ABHD2: variants seen among roughly 807,000 people sequenced by gnomAD.
ABHD2 encodes monoacylglycerol lipase ABHD2.
Under a neutral mutation model 48.1 loss-of-function variants are expected in ABHD2, and 20 were observed. That is an observed-to-expected ratio of 0.42 (90% CI 0.29 to 0.60). The LOEUF (loss-of-function observed/expected upper bound fraction) is 0.60. Among genes scored for constraint, ABHD2 ranks in the 20% least tolerant of loss-of-function variants. The pLI is 0.24. For missense variants in ABHD2, 405 were observed against 550.9 expected, an observed-to-expected ratio of 0.74 and a Z score of 2.65; for synonymous variants, 209 against 214.2, an observed-to-expected ratio of 0.98 and a Z score of 0.21.
In ABHD2 at chr15:89,151,090, C is replaced by T. The variant is rs1356518884; in HGVS notation, c.195-587C>T. On this transcript the variant is annotated intron_variant, in intron 3 of 10. Transcript: ENST00000352732. This position sits in a 1 kb window ranked among gnomAD's most constrained non-coding sequence, Gnocchi z 4.7. ...CCTTAATCAATCCAACAAATATTTA[C>T]ACTGCACTGCCCTTACAGCATATTC... Among the ~76,000 whole-genome samples the T allele has an allele frequency of 1.3e-5, 2 of 152,244 alleles. No individual in the cohort carries two copies. The highest frequency in any genetic ancestry group is 1.3e-4 in the Admixed American group (2 of 15,282).
chr15:89,144,803 T>C (rs115074466), intron 3 of ABHD2, among the ~76,000 whole-genome samples: 8,535 of 152,290 alleles, frequency 0.056, 853 homozygotes, highest in African/African-American at 0.19. Context: ...TATTAAATGC[T>C]ACTGAATTGT....
chr15:89,057,006 C>T, the ABHD2 span, among the ~76,000 whole-genome samples: 1 of 150,698 alleles, frequency 6.6e-6, no homozygotes, highest in Admixed American at 6.6e-5. Context: ...CTCCGCCTCC[C>T]GGGTTCAAGC....
intron 3 of ABHD2, among the ~76,000 whole-genome samples, chr15:89,143,669 G>A (rs578204800): frequency 8.4e-5 from 12 of 143,164 alleles, no homozygotes; most frequent in African/African-American, 2.9e-4. Flanking sequence ...GGCAATAAGA[G>A]CAAAACTCCA....
At chr15:89,049,514 C>T in the ABHD2 span, among the ~76,000 whole-genome samples, 2 of 152,246 alleles carry the variant, frequency 1.3e-5, no homozygotes, top group Non-Finnish European at 2.9e-5. Flanking sequence ...AGTTTGATCT[C>T]AGACTGCTGT....
chr15:89,057,419 G>A, the ABHD2 span, among the ~76,000 whole-genome samples: 2 of 152,128 alleles, frequency 1.3e-5, no homozygotes, highest in Non-Finnish European at 2.9e-5. Flanking sequence ...GTAGGGCAGG[G>A]GTTACACAGT....
chr15:89,128,293 G>T (rs1005198216), intron 3 of ABHD2, among the ~76,000 whole-genome samples: 10 of 152,254 alleles, frequency 6.6e-5, no homozygotes, highest in African/African-American at 2.2e-4. Flanking sequence ...AGATGTTGGT[G>T]TGAGCATGAA....
chr15:89,135,137 C>CTT (rs539846835), intron 3 of ABHD2, among the ~76,000 whole-genome samples: 1 of 19,112 alleles, frequency 5.2e-5, no homozygotes, highest in African/African-American at 1.9e-4. Flanking sequence ...ATGGCTACAA[C>CTT]TTTTTCTTTT....
chr15:89,161,928 C>G (rs1368707696), intron 5 of ABHD2, among the ~76,000 whole-genome samples: 1 of 152,182 alleles, frequency 6.6e-6, no homozygotes, highest in African/African-American at 2.4e-5. Flanking sequence ...TTGGTTTCTT[C>G]TGAGACCTCT....
the ABHD2 span, among the ~76,000 whole-genome samples, chr15:89,059,329 C>G: frequency 1.3e-5 from 2 of 152,218 alleles, no homozygotes; most frequent in Admixed American, 6.5e-5. Flanking sequence ...TGGCATGGTT[C>G]TGACCACCTA....
In ABHD2 at chr15:89,137,301, G is replaced by A. The variant is rs996827823; in HGVS notation, c.195-14376G>A. Among the ~76,000 whole-genome samples, 6 of 152,266 alleles carry A rather than the reference G, an allele frequency of 3.9e-5. No individual in the cohort carries two copies. The highest frequency in any genetic ancestry group is 3.4e-3 in the Middle Eastern group (1 of 294). Reference sequence around the variant, plus strand: ...TGCTGTTTGTGAACAGGAAGATAGTGGGATCAGATGCATTTAACATGTGGA... The same window carrying A: ...TGCTGTTTGTGAACAGGAAGATAGTAGGATCAGATGCATTTAACATGTGGA... On this transcript the variant is annotated intron_variant, in intron 3 of 10. Transcript: ENST00000352732. This position sits in a 1 kb window ranked among gnomAD's most constrained non-coding sequence, Gnocchi z 4.8.
the ABHD2 span, among the ~76,000 whole-genome samples, chr15:89,072,743 T>C: frequency 1.3e-5 from 2 of 152,200 alleles, no homozygotes; most frequent in African/African-American, 4.8e-5. Context: ...CCATTTCTTA[T>C]TGATGTCTGA....
chr15:89,122,700 C>T lies in ABHD2; in HGVS notation c.194+6179C>T, dbSNP rs79281043. 5.2e-3 allele frequency among the ~76,000 whole-genome samples: 793 copies of T among 152,318 alleles called. 5 individuals are homozygous for T. The highest frequency in any genetic ancestry group is 0.018 in the African/African-American group (745 of 41,558). The stretch of plus-strand genomic sequence containing the variant: ...GGCTGAAGTTTTCATCACCAGGTCC[C>T]GGTTGGGAAGTAGAGACAGGCAGCA... On this transcript the variant is annotated intron_variant, in intron 3 of 10. Coordinates refer to ENST00000352732, the MANE Select transcript of ABHD2 (RefSeq NM_152924.5).
chr15:89,072,600 G>T, the ABHD2 span, among the ~76,000 whole-genome samples: 2 of 149,952 alleles, frequency 1.3e-5, no homozygotes, highest in East Asian at 4.0e-4. Context: ...GAGAGGGGAG[G>T]GGAGGGAAGG....
rs150612219 is a variant in ABHD2, at chr15:89,160,860, G to C, written c.538+5326G>C. Among the ~76,000 whole-genome samples, 8 of 152,306 alleles carry C rather than the reference G, an allele frequency of 5.3e-5. No individual in the cohort carries two copies. The East Asian group carries it at 1.5e-3, about 29-fold the overall frequency. ...CGACCAAGCCTAACTTCAGTGGGGT[G>C]GGGGAGAAGCATCCTTCCTAGAGAT... On this transcript the variant is annotated intron_variant, in intron 5 of 10. Coordinates refer to ENST00000352732, the MANE Select transcript of ABHD2 (RefSeq NM_152924.5).
At chr15:89,121,575 T>C (rs1250879609) in intron 3 of ABHD2, among the ~76,000 whole-genome samples, 4 of 152,032 alleles carry the variant, frequency 2.6e-5, no homozygotes, top group Admixed American at 6.5e-5. Flanking sequence ...TACCAGTCCC[T>C]TGGGTGTTTA....
the ABHD2 span, among the ~76,000 whole-genome samples, chr15:89,058,007 G>A: frequency 9.2e-4 from 140 of 152,290 alleles, no homozygotes; most frequent in African/African-American, 3.1e-3. Flanking sequence ...TTTGTGGGGC[G>A]CCAGGCAAGA....
chr15:89,065,388 G>T, the ABHD2 span, among the ~76,000 whole-genome samples: 15,887 of 152,182 alleles, frequency 0.1, 1,106 homozygotes, highest in East Asian at 0.15. Context: ...GAATTGTCCA[G>T]GGCAGACTTG....
intron 5 of ABHD2, among the ~76,000 whole-genome samples, chr15:89,156,269 C>T (rs1417256387): frequency 4.0e-5 from 6 of 151,722 alleles, no homozygotes; most frequent in Admixed American, 2.0e-4. Context: ...TACAGGTGCC[C>T]GCCACCACGC....
Position 89,090,455 on chromosome 15 carries a change from C to T in ABHD2, c.-107+1892C>T, listed in dbSNP as rs1901549167. 4.6e-5 allele frequency: 7 copies of T among 152,242 alleles called. 1 individual carries two copies. The South Asian group carries it at 1.2e-3, about 27-fold the overall frequency. The allele number at this position is 152,242 out of a possible 1,614,324, so 9.4% of individuals were successfully genotyped here. ...TCATATCCACCACCCAATACTCTAT[C>T]AAGAGCTAATTTTTCCCCCAGTCCC... On this transcript the variant is annotated intron_variant, in intron 1 of 10. Transcript: ENST00000352732.
Sources: allele counts gnomAD v4.1 joint callset (sites outside exome capture counted in the v4.1 genomes callset), GRCh38; gene constraint gnomAD v4.1.1; non-coding constraint Gnocchi (gnomAD v3.1); transcripts MANE v1.5; gene names NCBI Gene and HGNC (gene_info 2026-07-23, HGNC 2026-07-21).